Variants in PTPRG observed in about 807,000 individuals in gnomAD.
The protein encoded by PTPRG is protein tyrosine phosphatase receptor type G.
In PTPRG, 102 loss-of-function variants were observed where a neutral mutation model predicts 165.3. The observed-to-expected ratio is 0.62, with a 90% CI of 0.53 to 0.73. The LOEUF (loss-of-function observed/expected upper bound fraction) is 0.73. PTPRG is among the 30% of genes least tolerant of loss of function. The pLI is 0.00. For missense variants in PTPRG, 1,866 were observed against 1,861.4 expected (o/e 1.00, Z -0.05); for synonymous variants, 675 against 669.5 (o/e 1.01, Z -0.13).
At chr3:62,107,164 C>T (rs1702500898) in intron 5 of PTPRG, among the ~76,000 whole-genome samples, 1 of 152,332 alleles carries the variant, frequency 6.6e-6, no homozygotes, top group Non-Finnish European at 1.5e-5. Flanking sequence ...GTTGGCATCC[C>T]TGTTAAGAAT....
intron 1 of PTPRG, among the ~76,000 whole-genome samples, chr3:61,643,813 A>C (rs922206980): frequency 6.6e-6 from 1 of 152,120 alleles, no homozygotes; most frequent in Non-Finnish European, 1.5e-5. Flanking sequence ...ATGTATATAG[A>C]GGACAGTCAG....
chr3:61,883,091 G>A (rs375651189), intron 2 of PTPRG, among the ~76,000 whole-genome samples: 8 of 133,684 alleles, frequency 6.0e-5, no homozygotes, highest in East Asian at 2.5e-4. Flanking sequence ...GTGGCATTTC[G>A]CACAGGTGAG....
chr3:61,733,191 A>G (rs2032581988), intron 1 of PTPRG, among the ~76,000 whole-genome samples: 1 of 152,232 alleles, frequency 6.6e-6, no homozygotes, highest in Non-Finnish European at 1.5e-5. Context: ...ACTTTGTATC[A>G]GTTCAAACAT....
chr3:61,847,806 A>G (rs1190995300), intron 2 of PTPRG, among the ~76,000 whole-genome samples: 1 of 152,196 alleles, frequency 6.6e-6, no homozygotes, highest in Non-Finnish European at 1.5e-5. Context: ...ATTCACAGAG[A>G]CTTCCTGTTC....
At chr3:62,069,855 C>T (rs1433313581) in intron 4 of PTPRG, among the ~76,000 whole-genome samples, 1 of 152,162 alleles carries the variant, frequency 6.6e-6, no homozygotes, top group Non-Finnish European at 1.5e-5. Context: ...AGAATTCCCT[C>T]CTCTTAAAAA....
intron 2 of PTPRG, among the ~76,000 whole-genome samples, chr3:61,843,853 C>T (rs543759263): frequency 1.3e-5 from 2 of 151,392 alleles, no homozygotes; most frequent in East Asian, 1.9e-4. Context: ...CCCAGTTTTC[C>T]AAGTCACCAA....
At chr3:62,205,640 C>T (rs908514286) in intron 12 of PTPRG, among the ~76,000 whole-genome samples, 8 of 152,130 alleles carry the variant, frequency 5.3e-5, no homozygotes, top group Admixed American at 5.2e-4. Context: ...GCTGCAGGAA[C>T]AGCAGGTCCA....
chr3:62,148,081 G>T (rs1355420979), intron 6 of PTPRG, among the ~76,000 whole-genome samples: 1 of 152,310 alleles, frequency 6.6e-6, no homozygotes, highest in East Asian at 1.9e-4. Flanking sequence ...GGGAGGTGGA[G>T]GTTGCAGTGA....
At chr3:62,007,207 T>C (rs1369490624) in intron 4 of PTPRG, among the ~76,000 whole-genome samples, 1 of 152,208 alleles carries the variant, frequency 6.6e-6, no homozygotes, top group African/African-American at 2.4e-5. Flanking sequence ...CTCAACTTTG[T>C]AGGTTTTGTT....
chr3:62,206,912 C>CAAAAAAAAAAAAAAAAAAAAAAAAAAAA (rs556974355), intron 12 of PTPRG, among the ~76,000 whole-genome samples: 1 of 37,336 alleles, frequency 2.7e-5, no homozygotes, highest in African/African-American at 7.1e-5. Context: ...GACTCTGTCT[C>CAAAAAAAAAAAAAAAAAAAAAAAAAAAA]AAAAAAAAAA....
intron 4 of PTPRG, among the ~76,000 whole-genome samples, chr3:62,068,166 ATAG>A (rs1236023865): frequency 6.6e-6 from 1 of 152,178 alleles, no homozygotes; most frequent in Non-Finnish European, 1.5e-5. Flanking sequence ...CTTCTAGAAA[ATAG>A]TAGTATTGAT....
rs148392416 is a variant in PTPRG, at chr3:61,716,755, G to T, written c.86-32123G>T. 3.6e-3 allele frequency among the ~76,000 whole-genome samples: 554 copies of T among 152,246 alleles called. 2 individuals carry two copies. Among genetic ancestry groups the T allele is most frequent in the African/African-American group, 0.013 (538 of 41,532 alleles). ...TGGAAGGCCGAGGTGGGTGGGTCAC[G>T]AGGTCAGGAGTTCAAGACCAGCCTG... On this transcript the variant is annotated intron_variant, in intron 1 of 29. Transcript: ENST00000474889.
chr3:61,820,885 C>G (rs1313169152), intron 2 of PTPRG, among the ~76,000 whole-genome samples: 2 of 152,024 alleles, frequency 1.3e-5, no homozygotes, highest in Non-Finnish European at 2.9e-5. Flanking sequence ...CTTGTTACCT[C>G]TAACACCTTT....
At position 62,203,832 on chromosome 3, in the gene PTPRG, C is replaced by T. The variant is rs561879723; in HGVS notation, c.2037C>T (p.Thr679=). Reference sequence around the variant, plus strand: ...TCACCTCCACCCAAGTGCCCCCCACCGCCACAGAGGAGCAGTATGCAGGGA... The same window carrying T: ...TCACCTCCACCCAAGTGCCCCCCACTGCCACAGAGGAGCAGTATGCAGGGA... ...DMVTSTQVPP[T]ATEEQYAGSD... is the part of the protein sequence containing the mutation. Residue 679 remains threonine, a synonymous_variant, in exon 12 of 30, where the codon ACC becomes ACT. Transcript: ENST00000474889. The surrounding 1 kb of genome is among the most constrained non-coding windows in gnomAD (Gnocchi z 6.4). 69 of 1,614,078 alleles carry T rather than the reference C, an allele frequency of 4.3e-5. No individual in the cohort carries two copies. In the East Asian group the frequency reaches 8.7e-4, roughly 20 times the overall value.
intron 4 of PTPRG, among the ~76,000 whole-genome samples, chr3:62,061,053 ACTCCCTGAAT>A: frequency 6.6e-6 from 1 of 152,154 alleles, no homozygotes; most frequent in East Asian, 1.9e-4. Context: ...TGCTTCTTGA[ACTCCCTGAAT>A]CTCCCTTGTA....
intron 2 of PTPRG, among the ~76,000 whole-genome samples, chr3:61,786,693 T>C (rs1467823594): frequency 1.3e-5 from 2 of 152,224 alleles, no homozygotes; most frequent in Admixed American, 6.5e-5. Flanking sequence ...TTTATACTTA[T>C]GTCTCATGAT....
At chr3:62,174,910 G>GC (rs1485889137) in intron 8 of PTPRG, among the ~76,000 whole-genome samples, 1 of 152,130 alleles carries the variant, frequency 6.6e-6, no homozygotes, top group Non-Finnish European at 1.5e-5. Context: ...TTTTCATGCA[G>GC]CCCCCATGGA....
chr3:62,132,322 G>T (rs534111726), intron 5 of PTPRG, among the ~76,000 whole-genome samples: 4 of 152,296 alleles, frequency 2.6e-5, no homozygotes, highest in African/African-American at 7.2e-5. Flanking sequence ...AAGGCAAGAA[G>T]AAAATCTTGC....
At chr3:61,578,376 A>G (rs1700214210) in intron 1 of PTPRG, among the ~76,000 whole-genome samples, 1 of 152,192 alleles carries the variant, frequency 6.6e-6, no homozygotes. Context: ...CATGTATTTC[A>G]TGAATAGCCA....
Sources: gnomAD v4.1 joint callset for allele counts (sites outside exome capture counted in the v4.1 genomes callset) on GRCh38, gnomAD v4.1.1 for gene constraint, Gnocchi (gnomAD v3.1) non-coding constraint, MANE v1.5 for transcripts, NCBI Gene and HGNC (gene_info 2026-07-23, HGNC 2026-07-21) for gene names.